The following DACH2 variants were observed in gnomAD, a reference collection of about 807,000 sequenced individuals.
DACH2 encodes dachshund homolog 2.
A neutral mutation model predicts 35.8 loss-of-function variants in DACH2; 17 were observed. The ratio of observed to expected loss-of-function variants is 0.48; its 90% CI spans 0.33 to 0.71. The LOEUF is 0.71. DACH2 is among the 30% of genes least tolerant of loss of function. The pLI is 0.02. For missense variants in DACH2, 469 were observed against 472.7 expected (o/e 0.99, Z 0.07); for synonymous variants, 195 against 177.3 (o/e 1.10, Z -0.79).
chrX:86,347,614 G>C (rs1463513537), intron 1 of DACH2, among the ~76,000 whole-genome samples: 2 of 112,807 alleles, frequency 1.8e-5, no homozygotes, highest in Non-Finnish European at 3.7e-5. Context: ...TCATGCACCA[G>C]CTGCCAGCTG....
intron 1 of DACH2, among the ~76,000 whole-genome samples, chrX:86,291,324 G>A (rs778938643): frequency 1.1e-5 from 1 of 93,094 alleles, no homozygotes; most frequent in South Asian, 6.0e-4. Context: ...GAGATTTTGG[G>A]CTGAGACAAT....
At chrX:86,716,549 A>G (rs1384707428) in intron 6 of DACH2, among the ~76,000 whole-genome samples, 1 of 111,467 alleles carries the variant, frequency 9.0e-6, no homozygotes, top group Non-Finnish European at 1.9e-5. Context: ...CAGACAAACA[A>G]AAGCACTTCA....
intron 1 of DACH2, among the ~76,000 whole-genome samples, chrX:86,324,853 A>T (rs748352591): frequency 1.0e-3 from 110 of 110,006 alleles, no homozygotes; most frequent in Non-Finnish European, 1.8e-3. Context: ...TGTCACAGCC[A>T]CTCAAGCCTT....
chrX:86,732,855 T>A (rs758162124), intron 6 of DACH2, among the ~76,000 whole-genome samples: 1 of 111,490 alleles, frequency 9.0e-6, no homozygotes, highest in South Asian at 3.7e-4. Context: ...TCTATGTAGG[T>A]TCTTCTGTAT....
intron 3 of DACH2, among the ~76,000 whole-genome samples, chrX:86,550,781 A>C (rs2039038056): frequency 8.9e-6 from 1 of 111,876 alleles, no homozygotes; most frequent in Admixed American, 9.5e-5. Context: ...CAGAAGACTG[A>C]CTAAAAGTTA....
At chrX:86,270,426 C>G (rs1435127329) in intron 1 of DACH2, among the ~76,000 whole-genome samples, 1 of 111,433 alleles carries the variant, frequency 9.0e-6, no homozygotes, top group African/African-American at 3.3e-5. Context: ...CAATGGCCAT[C>G]AAGTACATTT....
intron 2 of DACH2, among the ~76,000 whole-genome samples, chrX:86,380,380 A>G (rs780657740): frequency 9.0e-6 from 1 of 110,690 alleles, no homozygotes; most frequent in African/African-American, 3.3e-5. Flanking sequence ...AACCGGCCAA[A>G]TGGAATCAGA....
intron 4 of DACH2, among the ~76,000 whole-genome samples, chrX:86,677,139 T>C (rs778939165): frequency 8.9e-6 from 1 of 112,329 alleles, no homozygotes; most frequent in South Asian, 3.7e-4. Flanking sequence ...AGATTTCATA[T>C]TTTAAGTTAG....
At chrX:86,519,420 A>G (rs1005718016) in intron 3 of DACH2, among the ~76,000 whole-genome samples, 4 of 111,992 alleles carry the variant, frequency 3.6e-5, no homozygotes, top group Non-Finnish European at 7.5e-5. Context: ...AGAATGAGTT[A>G]GGGAGGAGTC....
intron 1 of DACH2, among the ~76,000 whole-genome samples, chrX:86,279,745 C>A (rs1264037699): frequency 9.1e-6 from 1 of 109,854 alleles, no homozygotes; most frequent in Non-Finnish European, 1.9e-5. Context: ...ATGTTCTAAC[C>A]CAATGCAAGG....
At chrX:86,702,990 C>T (rs182668280) in intron 5 of DACH2, among the ~76,000 whole-genome samples, 2 of 111,017 alleles carry the variant, frequency 1.8e-5, no homozygotes, top group East Asian at 5.7e-4. Context: ...AGACCAATAT[C>T]CCTGATGAAC....
Position 86,321,206 on chromosome X carries a change from C to T in DACH2, c.489-55618C>T, listed in dbSNP as rs1011253671. Among the ~76,000 whole-genome samples the T allele has an allele frequency of 4.5e-5, 5 of 111,290 alleles. No individual in the cohort carries two copies. In the Admixed American group the frequency reaches 4.8e-4, roughly 11 times the overall value. On this transcript the variant is annotated intron_variant, in intron 1 of 11. Transcript: ENST00000373125. Reference sequence around the variant, plus strand: ...TTCCTGAGACCTCCTTGGTCCCAACCAAACTAATATTGTTATTATTAGGTG... The same window carrying T: ...TTCCTGAGACCTCCTTGGTCCCAACTAAACTAATATTGTTATTATTAGGTG...
intron 3 of DACH2, among the ~76,000 whole-genome samples, chrX:86,553,283 A>G (rs2039074960): frequency 9.0e-6 from 1 of 111,605 alleles, no homozygotes; most frequent in African/African-American, 3.3e-5. Flanking sequence ...GGAAGCAACC[A>G]GCATGGGAGA....
intron 2 of DACH2, among the ~76,000 whole-genome samples, chrX:86,503,748 G>A (rs1016325790): frequency 1.8e-5 from 2 of 111,749 alleles, no homozygotes; most frequent in African/African-American, 3.2e-5. Context: ...TAAGTATGGG[G>A]GGAAATATCA....
chrX:86,782,506 T>TA (rs1385241494), intron 7 of DACH2, among the ~76,000 whole-genome samples: 1 of 111,366 alleles, frequency 9.0e-6, no homozygotes, highest in Non-Finnish European at 1.9e-5. Context: ...CTTTCAATAA[T>TA]ACCACAGAGC....
chrX:86,612,847 G>A (rs2039962205), intron 3 of DACH2, among the ~76,000 whole-genome samples: 1 of 112,652 alleles, frequency 8.9e-6, no homozygotes, highest in Non-Finnish European at 1.9e-5. Context: ...CTACAGGGAA[G>A]ACAATTGTTG....
intron 1 of DACH2, among the ~76,000 whole-genome samples, chrX:86,320,660 T>A (rs2034998918): frequency 1.8e-5 from 2 of 112,557 alleles, no homozygotes; most frequent in African/African-American, 6.5e-5. Context: ...CTACTACAAC[T>A]GTGGTTTGCA....
Position 86,677,076 on chromosome X carries a change from G to A in DACH2, c.773-17945G>A, listed in dbSNP as rs2040832787. 3.6e-5 allele frequency among the ~76,000 whole-genome samples: 4 copies of A among 111,818 alleles called. No homozygotes were observed. In the South Asian group the frequency reaches 1.5e-3, roughly 42 times the overall value. ...GCACCTCAAAATATTTAATTTCTAT[G>A]TTAGCATCCTCAACTAAATGCCCAA... is the stretch of plus-strand genomic sequence containing the variant. On this transcript the variant is annotated intron_variant, in intron 4 of 11. Transcript: ENST00000373125.
intron 3 of DACH2, among the ~76,000 whole-genome samples, chrX:86,589,889 A>G (rs1039799411): frequency 1.8e-5 from 2 of 112,167 alleles, no homozygotes; most frequent in Non-Finnish European, 3.8e-5. Flanking sequence ...TTGTTGAATA[A>G]CATTCCATTT....
Sources: allele counts gnomAD v4.1 joint callset (sites outside exome capture counted in the v4.1 genomes callset), GRCh38; gene constraint gnomAD v4.1.1; transcripts MANE v1.5; gene names NCBI Gene and HGNC (gene_info 2026-07-23, HGNC 2026-07-21).